The following ANK1 variants were observed in gnomAD, a reference collection of about 807,000 sequenced individuals.
ANK1 encodes the protein ankyrin 1.
In ANK1, 51 loss-of-function variants were observed where a neutral mutation model predicts 210.4. That is an observed-to-expected ratio of 0.24 (90% CI 0.19 to 0.31). The LOEUF is 0.31. ANK1 is among the 10% of genes least tolerant of loss of function. ANK1 has a pLI of 1.00. For synonymous variants in ANK1, 967 were observed against 1,025.9 expected (o/e 0.94, Z 1.10); for missense variants, 2,051 against 2,504.4 (o/e 0.82, Z 3.86).
At position 41,725,813 on chromosome 8, in the gene ANK1, C is replaced by T; in HGVS notation, c.560G>A (p.Arg187His). The stretch of plus-strand genomic sequence containing the variant: ...GTTCTGCAGCAGCACCGCAGCCGTG[C>T]GCGTGTCGTCGTTGCGGGCCGCGAT... ...LHIAARNDDT[R>H]TAAVLLQNDP... The change falls in exon 6 of 43, where the codon CGC becomes CAC. Residue 187 changes from arginine (R) to histidine (H), a missense_variant. Physicochemically the swap from Arg to His is conservative, Grantham distance 29. Around this residue, in one of 6 missense-constraint regions of ANK1, gnomAD observed 1,413 missense variants for 1,707.4 expected, o/e 0.83. Transcript: ENST00000289734. 1 of 1,611,874 alleles carries T rather than the reference C, an allele frequency of 6.2e-7. No homozygotes were observed.
At chr8:41,749,111 A>G (rs913491961) in intron 2 of ANK1, among the ~76,000 whole-genome samples, 1 of 152,076 alleles carries the variant, frequency 6.6e-6, no homozygotes, top group African/African-American at 2.4e-5. Flanking sequence ...GGCACTTACG[A>G]TACTGAATTT....
rs200127919 is a variant in ANK1 at position 41,695,187 on chromosome 8, C to T, written c.3105G>A (p.Gly1035=). Residue 1035 remains glycine, a synonymous_variant, in exon 27 of 43, where the codon GGG becomes GGA. Transcript: ENST00000289734. ...GESYLDQILN[G]MDEELGSLEE... is the part of the protein sequence containing the mutation. ...ATCCCCCGCCCCTACCTTCGTCCATCCCGTTGAGGATCTGATCCAGGTAGC... is the reference window on the plus strand; with the variant it reads ...ATCCCCCGCCCCTACCTTCGTCCATTCCGTTGAGGATCTGATCCAGGTAGC... 93 of 1,614,182 alleles carry T rather than the reference C, an allele frequency of 5.8e-5. No individual in the cohort carries two copies. The African/African-American group carries it at 1.1e-3, about 19-fold the overall frequency.
intron 16 of ANK1, among the ~76,000 whole-genome samples, chr8:41,710,727 C>T (rs932782642): frequency 1.3e-5 from 2 of 152,248 alleles, no homozygotes; most frequent in Admixed American, 1.3e-4. Context: ...GCCAGCATTC[C>T]TCTGGCTGAG....
intron 1 of ANK1, among the ~76,000 whole-genome samples, chr8:41,875,826 G>A (rs117636567): frequency 3.3e-5 from 5 of 152,280 alleles, no homozygotes; most frequent in Admixed American, 3.3e-4. Context: ...GTGTTTTGTA[G>A]ATGATCTAGT....
chr8:41,687,497 C>T (rs970146547), intron 35 of ANK1, among the ~76,000 whole-genome samples: 5 of 152,338 alleles, frequency 3.3e-5, no homozygotes, highest in South Asian at 2.1e-4. Flanking sequence ...TGACTCCACC[C>T]TGCACTCTCC....
At position 41,693,885 on chromosome 8, in the gene ANK1, G is replaced by A; in HGVS notation, c.3532+13C>T. 1 of 1,597,748 alleles carries A rather than the reference G, an allele frequency of 6.3e-7. No homozygotes were observed. The highest frequency in any genetic ancestry group is 8.5e-7 in the Non-Finnish European group (1 of 1,172,918). On this transcript the variant is annotated intron_variant, in intron 29 of 42. Coordinates refer to ENST00000289734, the MANE Select transcript of ANK1 (RefSeq NM_000037.4). ...GCAGCCGAGAACAGAAGCGAGGCAG[G>A]GGCCCCTCTCACCAATGACGCTGCA...
chr8:41,776,324 G>A (rs765021720), intron 1 of ANK1, among the ~76,000 whole-genome samples: 1 of 152,200 alleles, frequency 6.6e-6, no homozygotes, highest in African/African-American at 2.4e-5. Context: ...TGAGGTATCT[G>A]TTTCCATGAA....
In ANK1 at chr8:41,719,944, A is replaced by G. The variant is rs571193889; in HGVS notation, c.910-86T>C. On this transcript the variant is annotated intron_variant, in intron 9 of 42. Transcript: ENST00000289734. ...CAGGACGATTCCAACGTCACTCCCT[A>G]CTTCTTCCCTACACAATGTTTCCAC... The G allele has an allele frequency of 9.0e-6, 13 of 1,446,404 alleles. No homozygotes were observed. The African/African-American group carries it at 1.7e-4, about 19-fold the overall frequency. The allele number at this position is 1,446,404 out of a possible 1,614,324, so 89.6% of individuals were successfully genotyped here.
chr8:41,827,811 ACCCACATACACACACGCACT>A (rs1478579325), intron 1 of ANK1, among the ~76,000 whole-genome samples: 1 of 151,044 alleles, frequency 6.6e-6, no homozygotes, highest in African/African-American at 2.4e-5. Flanking sequence ...TCACGCACAC[ACCCACATACACACACGCACT>A]CACACATGCA....
At chr8:41,744,890 C>G (rs560237941) in intron 2 of ANK1, among the ~76,000 whole-genome samples, 1 of 152,204 alleles carries the variant, frequency 6.6e-6, no homozygotes, top group Non-Finnish European at 1.5e-5. Context: ...CATGAGGCAG[C>G]ATCAGACAGA....
At chr8:41,748,802 A>G (rs55797269) in intron 2 of ANK1, among the ~76,000 whole-genome samples, 1,764 of 152,260 alleles carry the variant, frequency 0.012, 16 homozygotes, top group African/African-American at 0.026. Context: ...TTGGGAGGCT[A>G]AGGCGGGCAG....
intron 1 of ANK1, among the ~76,000 whole-genome samples, chr8:41,785,041 C>G (rs1846070687): frequency 6.6e-6 from 1 of 152,182 alleles, no homozygotes; most frequent in South Asian, 2.1e-4. Context: ...CCTCTTGAGT[C>G]TCCTGTTTCT....
chr8:41,740,370 G>C (rs1834474778), intron 2 of ANK1, among the ~76,000 whole-genome samples: 1 of 151,766 alleles, frequency 6.6e-6, no homozygotes, highest in Non-Finnish European at 1.5e-5. Flanking sequence ...ATGTTGGCCA[G>C]GCTGGTCTCG....
chr8:41,838,541 G>A (rs1043299121), intron 1 of ANK1, among the ~76,000 whole-genome samples: 8 of 152,104 alleles, frequency 5.3e-5, no homozygotes, highest in East Asian at 1.9e-4. Flanking sequence ...CGAGGCCGGC[G>A]GATCACCTGA....
At chr8:41,845,254 G>A (rs892293266) in intron 1 of ANK1, among the ~76,000 whole-genome samples, 1 of 151,968 alleles carries the variant, frequency 6.6e-6, no homozygotes, top group Non-Finnish European at 1.5e-5. Context: ...GCATGGTGGC[G>A]TGTGCCTGTA....
chr8:41,717,218 A>G (rs575817), intron 12 of ANK1, among the ~76,000 whole-genome samples, 167 bp from the exon 13 acceptor site: 1 of 152,214 alleles, frequency 6.6e-6, no homozygotes, highest in Non-Finnish European at 1.5e-5. Context: ...TGTGTGCATG[A>G]GCATGTATGT....
intron 41 of ANK1, 143 bp from the exon 42 acceptor site, chr8:41,661,707 G>A (rs771262758): frequency 1.3e-6 from 2 of 1,596,532 alleles, no homozygotes; most frequent in African/African-American, 1.3e-5. Flanking sequence ...AGCTCATAAA[G>A]AGGTGAGTGG....
At chr8:41,670,218 T>C (rs900529304) in intron 38 of ANK1, among the ~76,000 whole-genome samples, 2 of 152,078 alleles carry the variant, frequency 1.3e-5, no homozygotes, top group Non-Finnish European at 2.9e-5. Flanking sequence ...GTAGAGACTT[T>C]TTTCTGTTTC....
chr8:41,799,320 G>C (rs1333282376), upstream of ANK1, among the ~76,000 whole-genome samples: 1 of 152,114 alleles, frequency 6.6e-6, no homozygotes, highest in Non-Finnish European at 1.5e-5. Flanking sequence ...CACTCATGAG[G>C]GGGCAGCGTG....
Sources: allele counts gnomAD v4.1 joint callset (sites outside exome capture counted in the v4.1 genomes callset), GRCh38; gene constraint gnomAD v4.1.1; regional missense constraint gnomAD v4.1.1; transcripts MANE v1.5; gene names NCBI Gene and HGNC (gene_info 2026-07-23, HGNC 2026-07-21).